SPMIP7: variants seen among roughly 807,000 people sequenced by gnomAD.
The protein encoded by SPMIP7 is protein SPMIP7.
the SPMIP7 span, among the ~76,000 whole-genome samples, chr7:50,151,143 C>G: frequency 6.6e-6 from 1 of 152,178 alleles, no homozygotes. Context: ...CATTATGAAA[C>G]AGAGCTCAGC....
the SPMIP7 span, among the ~76,000 whole-genome samples, chr7:50,145,612 G>GTATATATATATATATATATATA: frequency 2.7e-5 from 1 of 36,900 alleles, no homozygotes; most frequent in Non-Finnish European, 4.8e-5. Flanking sequence ...GTGTGTATAT[G>GTATATATATATATATATATATA]TGTGTGTATA....
the SPMIP7 span, among the ~76,000 whole-genome samples, chr7:50,111,104 G>A: frequency 2.6e-3 from 381 of 145,730 alleles, 1 homozygote; most frequent in African/African-American, 8.8e-3. Flanking sequence ...ATGTGTATAT[G>A]TTATATATAT....
chr7:50,114,837 C>T, the SPMIP7 span, among the ~76,000 whole-genome samples: 1 of 152,046 alleles, frequency 6.6e-6, no homozygotes, highest in Non-Finnish European at 1.5e-5. Context: ...CAAGACCAAC[C>T]TGACTAACAT....
chr7:50,109,714 G>A, the SPMIP7 span, among the ~76,000 whole-genome samples: 7 of 151,746 alleles, frequency 4.6e-5, no homozygotes, highest in Middle Eastern at 3.2e-3. Flanking sequence ...TGGTTACTAG[G>A]GTCAAAATCA....
chr7:50,131,726 A>C, the SPMIP7 span, among the ~76,000 whole-genome samples: 1 of 152,182 alleles, frequency 6.6e-6, no homozygotes, highest in African/African-American at 2.4e-5. Flanking sequence ...GTGATTGCCT[A>C]TTCACATCAT....
At chr7:50,149,235 T>C in the SPMIP7 span, among the ~76,000 whole-genome samples, 129 of 152,340 alleles carry the variant, frequency 8.5e-4, no homozygotes, top group African/African-American at 2.9e-3. Context: ...TGGGAACCTC[T>C]GTCTTAGCAT....
chr7:50,132,279 A>G, the SPMIP7 span, among the ~76,000 whole-genome samples: 2 of 152,042 alleles, frequency 1.3e-5, no homozygotes, highest in Non-Finnish European at 1.5e-5. Context: ...CAATTTTCTC[A>G]TCTTAAAAAT....
chr7:50,125,313 TATATAC>T, the SPMIP7 span, among the ~76,000 whole-genome samples: 430 of 22,874 alleles, frequency 0.019, 26 homozygotes, highest in East Asian at 0.031. Context: ...TATATACCCA[TATATAC>T]ATATATACAC....
the SPMIP7 span, chr7:50,133,990 C>A: frequency 1.1e-6 from 1 of 869,734 alleles, no homozygotes; most frequent in Non-Finnish European, 1.7e-6. Flanking sequence ...GTATACACAC[C>A]AAGGGGCAGG....
chr7:50,096,675 G>A, the SPMIP7 span: 1 of 1,450,204 alleles, frequency 6.9e-7, no homozygotes, highest in East Asian at 2.5e-5. Flanking sequence ...TTTTTTAAAT[G>A]CTCAAGGGAA....
At chr7:50,155,399 G>A in the SPMIP7 span, among the ~76,000 whole-genome samples, 1 of 152,204 alleles carries the variant, frequency 6.6e-6, no homozygotes, top group Non-Finnish European at 1.5e-5. Flanking sequence ...ATACATCCTT[G>A]TACTGATCAT....
chr7:50,098,848 C>T, the SPMIP7 span, among the ~76,000 whole-genome samples: 1 of 148,696 alleles, frequency 6.7e-6, no homozygotes, highest in Non-Finnish European at 1.5e-5. Context: ...TGGGGGGATA[C>T]AGACATTCAC....
the SPMIP7 span, among the ~76,000 whole-genome samples, chr7:50,154,829 C>T: frequency 6.6e-6 from 1 of 152,182 alleles, no homozygotes; most frequent in Admixed American, 6.5e-5. Context: ...CATCAACAGT[C>T]TATCATTTCT....
At chr7:50,097,036 A>G in the SPMIP7 span, among the ~76,000 whole-genome samples, 6 of 152,256 alleles carry the variant, frequency 3.9e-5, no homozygotes, top group African/African-American at 1.4e-4. Context: ...TTGAAATAAA[A>G]TGGGAAAAAT....
At chr7:50,150,237 G>A in the SPMIP7 span, among the ~76,000 whole-genome samples, 4 of 152,176 alleles carry the variant, frequency 2.6e-5, no homozygotes, top group Non-Finnish European at 5.9e-5. Flanking sequence ...ACAGAGGTTT[G>A]CTTGTTGCTA....
At chr7:50,116,448 A>G in the SPMIP7 span, among the ~76,000 whole-genome samples, 1 of 152,246 alleles carries the variant, frequency 6.6e-6, no homozygotes, top group Non-Finnish European at 1.5e-5. Context: ...AAATGCATTT[A>G]TTGTATTCTA....
chr7:50,104,558 CAGG>C, the SPMIP7 span: 5 of 262,492 alleles, frequency 1.9e-5, no homozygotes, highest in Middle Eastern at 1.3e-3. Flanking sequence ...TCTTATGTTC[CAGG>C]TACTGTGCAG....
the SPMIP7 span, among the ~76,000 whole-genome samples, chr7:50,108,700 A>C: frequency 6.6e-6 from 1 of 152,164 alleles, no homozygotes; most frequent in African/African-American, 2.4e-5. Context: ...ACCTACCCTG[A>C]TATTTTTGTC....
At chr7:50,123,662 A>G in the SPMIP7 span, among the ~76,000 whole-genome samples, 3 of 152,112 alleles carry the variant, frequency 2.0e-5, no homozygotes, top group Admixed American at 6.5e-5. Context: ...TGAACTGTGG[A>G]GAGTTAAGCA....
Sources: gnomAD v4.1 joint callset for allele counts (sites outside exome capture counted in the v4.1 genomes callset) on GRCh38, gnomAD v4.1.1 for gene constraint, MANE v1.5 for transcripts, NCBI Gene and HGNC (gene_info 2026-07-23, HGNC 2026-07-21) for gene names.